The following CD163 variants were observed in gnomAD, a reference collection of about 807,000 sequenced individuals.
CD163 encodes the protein CD163 molecule, also known as scavenger receptor cysteine-rich type 1 protein M130.
Under a neutral mutation model 129.2 loss-of-function variants are expected in CD163, and 64 were observed. The observed-to-expected ratio is 0.50, with a 90% confidence interval of 0.41 to 0.61. The LOEUF is 0.61. CD163 is among the 20% of genes least tolerant of loss of function. The probability of loss-of-function intolerance (pLI) is 0.00; values close to 1 mark genes in which losing one functional copy is unlikely to be tolerated. For synonymous variants in CD163, 446 were observed against 478.5 expected (o/e 0.93, Z 0.89); for missense variants, 1,061 against 1,377.9 (o/e 0.77, Z 3.64).
chr12:7,476,491 A>T (rs995222181), intron 16 of CD163, among the ~76,000 whole-genome samples: 1 of 152,228 alleles, frequency 6.6e-6, no homozygotes, highest in African/African-American at 2.4e-5. Context: ...TGAGGAAAGG[A>T]TTCCCTATTC....
chr12:7,485,001 G>T lies in CD163; in HGVS notation c.2779+95C>A. On this transcript the variant is annotated intron_variant, in intron 11 of 16. Transcript: ENST00000432237. The surrounding 1 kb of genome is among the most constrained non-coding windows in gnomAD (Gnocchi z 4.5). ...TAATTCAATCTAACAATTTAAGCCAGTGTGAGAATAGGAAAATAAAATCCA... is the reference window on the plus strand; with the variant it reads ...TAATTCAATCTAACAATTTAAGCCATTGTGAGAATAGGAAAATAAAATCCA... 8.9e-7 allele frequency: 1 copy of T among 1,119,902 alleles called. No individual in the cohort carries two copies. Among genetic ancestry groups the T allele is most frequent in the Non-Finnish European group, 1.3e-6 (1 of 783,262 alleles). The allele number at this position is 1,119,902 out of a possible 1,614,324, so 69.4% of individuals were successfully genotyped here. A position where few individuals can be genotyped will look rare whatever the true frequency, so the allele number is the denominator to read the frequency against.
chr12:7,481,228 G>A lies in CD163; in HGVS notation c.3276C>T (p.His1092=), dbSNP rs755555052. 6.2e-7 allele frequency: 1 copy of A among 1,613,790 alleles called. No individual in the cohort carries two copies. Among genetic ancestry groups the A allele is most frequent in the Non-Finnish European group, 8.5e-7 (1 of 1,179,788 alleles). ...AATTCATCTCCCGGTATTGAATTTG[G>A]TGGACTAAGTTCTCTCCTCTTGAGG... ...AVSSRGENLV[H]QIQYREMNSC... Residue 1092 remains histidine, a synonymous_variant, in exon 15 of 17, where the codon CAC becomes CAT. Coordinates refer to ENST00000432237, the MANE Select transcript of CD163 (RefSeq NM_203416.4).
chr12:7,489,011 C>T (rs922783819), intron 6 of CD163, among the ~76,000 whole-genome samples: 2 of 152,050 alleles, frequency 1.3e-5, no homozygotes, highest in Non-Finnish European at 2.9e-5. Flanking sequence ...CTTAAAATTG[C>T]CTTAGGAGAT....
chr12:7,494,990 C>T, intron 6 of CD163, 91 bp downstream of exon 6: 1 of 939,354 alleles, frequency 1.1e-6, no homozygotes, highest in South Asian at 1.5e-5. Flanking sequence ...TGAGAGTGAT[C>T]TAGTCATAAG....
chr12:7,492,530 G>A (rs1292478541), intron 6 of CD163, among the ~76,000 whole-genome samples: 2 of 152,100 alleles, frequency 1.3e-5, no homozygotes, highest in Non-Finnish European at 2.9e-5. Context: ...AAAACCGTGT[G>A]CTCACTGATG....
intron 1 of CD163, 36 bp from the exon 2 acceptor site, chr12:7,502,600 C>T (rs2136749595): frequency 9.2e-7 from 1 of 1,092,512 alleles, no homozygotes; most frequent in South Asian, 1.3e-5. Flanking sequence ...GTAGCATCTT[C>T]CCAAAAAGAG....
intron 1 of CD163, 56 bp downstream of exon 1, chr12:7,503,589 A>G: frequency 8.5e-7 from 1 of 1,169,624 alleles, no homozygotes; most frequent in East Asian, 2.4e-5. Context: ...ATTGACTGTC[A>G]TAATAATTAC....
At position 7,486,894 on chromosome 12, in the gene CD163, C is replaced by T. The variant is rs773053353; in HGVS notation, c.2143G>A (p.Glu715Lys). 1.9e-6 allele frequency: 3 copies of T among 1,613,256 alleles called. No homozygotes were observed. The highest frequency in any genetic ancestry group is 3.3e-5 in the Admixed American group (2 of 59,950). The change falls in exon 9 of 17, where the codon GAG becomes AAG. Residue 715 changes from glutamate to lysine, a missense_variant and splice_region_variant. Physicochemically the swap from Glu to Lys is moderately conservative, Grantham distance 56. Transcript: ENST00000432237. ...IPEESAVACI[E>K]SGQLRLVNGG... The stretch of plus-strand genomic sequence containing the variant: ...TCATAGATTTGTCACAGAGTCTTAC[C>T]TATGCAGGCCACAGCACTTTCTTCT...
rs770647034 is a variant in CD163, at chr12:7,502,074, C to A, written c.133+404G>T. On this transcript the variant is annotated intron_variant, in intron 2 of 16. Coordinates refer to ENST00000432237, the MANE Select transcript of CD163 (RefSeq NM_203416.4). ...AGTTGCCTCCTTGGCATTATTTTAG[C>A]TTTATGTAGGAATCTGGTCCCACCA... is the stretch of plus-strand genomic sequence containing the variant. Among the ~76,000 whole-genome samples, 42 of 152,246 alleles carry A rather than the reference C, an allele frequency of 2.8e-4. 1 individual carries two copies. The highest frequency in any genetic ancestry group is 7.5e-4 in the African/African-American group (31 of 41,542).
Position 7,498,938 on chromosome 12 carries a change from C to A in CD163, c.708G>T (p.Trp236Cys). 10 of 1,614,122 alleles carry A rather than the reference C, an allele frequency of 6.2e-6. No homozygotes were observed. The highest frequency in any genetic ancestry group is 8.5e-6 in the Non-Finnish European group (10 of 1,180,008). The change falls in exon 4 of 17, where the codon TGG becomes TGT. Residue 236 changes from tryptophan to cysteine, a missense_variant. Transcript: ENST00000432237. Reference sequence around the variant, plus strand: ...TTCCCCATCCTTGATGTTTGCAGTTCCAGAGAGCTGACTCATTTCCGTTGC... The same window carrying A: ...TTCCCCATCCTTGATGTTTGCAGTTACAGAGAGCTGACTCATTTCCGTTGC... The part of the protein sequence containing the change: ...LICNGNESAL[W>C]NCKHQGWGKH...
intron 1 of CD163, 153 bp from the exon 2 acceptor site, chr12:7,502,717 C>T (rs1203310460): frequency 1.5e-6 from 1 of 663,150 alleles, no homozygotes; most frequent in Admixed American, 2.6e-5. Context: ...ACATTCATAC[C>T]CAGGCTCATA....
In CD163 at chr12:7,498,116, CCTTT is replaced by C. The variant is rs754815770; in HGVS notation, c.778+748_778+751del. Among the ~76,000 whole-genome samples, 9 of 149,772 alleles carry C rather than the reference CCTTT, an allele frequency of 6.0e-5. No individual in the cohort carries two copies. The South Asian group carries it at 1.7e-3, about 28-fold the overall frequency. ...TTTTAAACAAGTTTGAATGGAAGTTCCTTTATTTACACACACACACACACACACA... is the reference window on the plus strand; with the variant it reads ...TTTTAAACAAGTTTGAATGGAAGTTCATTTACACACACACACACACACACA... On this transcript the variant is annotated intron_variant, in intron 4 of 16. Coordinates refer to ENST00000432237, the MANE Select transcript of CD163 (RefSeq NM_203416.4).
intron 16 of CD163, among the ~76,000 whole-genome samples, chr12:7,473,958 A>T (rs891856266): frequency 1.3e-5 from 2 of 152,198 alleles, no homozygotes; most frequent in Non-Finnish European, 2.9e-5. Context: ...ACCTTAAGCC[A>T]ATAAAGATTA....
At chr12:7,482,173 A>G (rs1371784773) in intron 14 of CD163, among the ~76,000 whole-genome samples, 1 of 152,190 alleles carries the variant, frequency 6.6e-6, no homozygotes, top group Non-Finnish European at 1.5e-5. Flanking sequence ...AGAACAGTAA[A>G]ATTTGTAATA....
Position 7,483,324 on chromosome 12 carries a change from G to A in CD163, c.3088+43C>T, listed in dbSNP as rs749221257. ...ACACATCACTGCCCAACCCCTCTTT[G>A]CTGCCAGAGATTCCAAGCTCAATCC... On this transcript the variant is annotated intron_variant, in intron 12 of 16. Coordinates refer to ENST00000432237, the MANE Select transcript of CD163 (RefSeq NM_203416.4). The A allele has an allele frequency of 1.5e-5, 24 of 1,568,006 alleles. No individual in the cohort carries two copies. The South Asian group carries it at 2.7e-4, about 18-fold the overall frequency.
intron 3 of CD163, among the ~76,000 whole-genome samples, chr12:7,499,744 C>A (rs1408589950): frequency 2.0e-5 from 3 of 151,978 alleles, no homozygotes; most frequent in Non-Finnish European, 4.4e-5. Context: ...TTTCACACCT[C>A]CCATAGTGGT....
chr12:7,495,645 T>A (rs1320419518), intron 5 of CD163, among the ~76,000 whole-genome samples: 1 of 152,016 alleles, frequency 6.6e-6, no homozygotes, highest in Admixed American at 6.6e-5. Context: ...TAAAAGAGAT[T>A]CCTCAAAAAG....
Position 7,491,510 on chromosome 12 carries a change from A to G in CD163, c.1421-3423T>C, listed in dbSNP as rs1313839848. ...CCTGGATTTAGCACCATTGATCAAC[A>G]ACTACAGTTTTCCCCTGGCATAAGT... On this transcript the variant is annotated intron_variant, in intron 6 of 16. Transcript: ENST00000432237. 2.0e-5 allele frequency among the ~76,000 whole-genome samples: 3 copies of G among 152,080 alleles called. No individual in the cohort carries two copies. In the East Asian group the frequency reaches 5.8e-4, roughly 29 times the overall value.
intron 16 of CD163, among the ~76,000 whole-genome samples, chr12:7,477,825 A>G (rs1042489333): frequency 1.3e-5 from 2 of 152,196 alleles, no homozygotes; most frequent in African/African-American, 4.8e-5. Context: ...TTCAGCAGTG[A>G]TTACTCTTTC....
Sources: gnomAD v4.1 joint callset for allele counts (sites outside exome capture counted in the v4.1 genomes callset) on GRCh38, gnomAD v4.1.1 for gene constraint, Gnocchi (gnomAD v3.1) non-coding constraint, MANE v1.5 for transcripts, NCBI Gene and HGNC (gene_info 2026-07-23, HGNC 2026-07-21) for gene names.